The following NRG3 variants were observed in gnomAD, a reference collection of about 807,000 sequenced individuals.
NRG3 encodes neuregulin 3.
NRG3 carries 31 observed loss-of-function variants against 66.9 expected under a neutral mutation model. The observed-to-expected ratio is 0.46, with a 90% CI of 0.35 to 0.63. NRG3 has a LOEUF of 0.63. NRG3 is among the 20% of genes least tolerant of loss of function. NRG3 has a pLI of 0.00. For synonymous variants in NRG3, 393 were observed against 359.4 expected, an observed-to-expected ratio of 1.09 and a Z score of -1.06; for missense variants, 910 against 878.9, an observed-to-expected ratio of 1.04 and a Z score of -0.45.
chr10:82,275,031 A>G (rs555402029), intron 1 of NRG3, among the ~76,000 whole-genome samples: 1 of 152,128 alleles, frequency 6.6e-6, no homozygotes, highest in Admixed American at 6.6e-5. Context: ...GCCTCCATCT[A>G]GAGTGTCATA....
Position 82,536,901 on chromosome 10 carries a change from A to T in NRG3, c.953+178033A>T, listed in dbSNP as rs144009054. On this transcript the variant is annotated intron_variant, in intron 2 of 8. Transcript: ENST00000372141. The stretch of plus-strand genomic sequence containing the variant: ...ATTGATTTTATTATTAAATTATTAG[A>T]TGCACTAAATGAAGAATGAGGATTT... 2.4e-3 allele frequency among the ~76,000 whole-genome samples: 364 copies of T among 151,518 alleles called. 2 individuals are homozygous for T. The highest frequency in any genetic ancestry group is 3.9e-3 in the Non-Finnish European group (261 of 67,790).
At chr10:82,635,920 G>A (rs1186330920) in intron 2 of NRG3, among the ~76,000 whole-genome samples, 1 of 152,148 alleles carries the variant, frequency 6.6e-6, no homozygotes, top group Non-Finnish European at 1.5e-5. Context: ...TGCCTGGTGA[G>A]TGGTGTCAGA....
intron 1 of NRG3, among the ~76,000 whole-genome samples, chr10:82,047,946 A>C (rs1407466855): frequency 1.3e-5 from 2 of 152,062 alleles, no homozygotes; most frequent in Non-Finnish European, 2.9e-5. Context: ...AGGGGTTGCA[A>C]TCCTCATCTC....
intron 1 of NRG3, among the ~76,000 whole-genome samples, chr10:82,097,574 C>T (rs2066437268): frequency 6.6e-6 from 1 of 151,352 alleles, no homozygotes; most frequent in Non-Finnish European, 1.5e-5. Context: ...CTCTTATGCA[C>T]ATTAGCATAT....
chr10:82,556,701 T>C lies in NRG3; in HGVS notation c.954-181876T>C, dbSNP rs185487721. Among the ~76,000 whole-genome samples the C allele has an allele frequency of 5.8e-4, 88 of 152,326 alleles. 2 individuals carry two copies. The highest frequency in any genetic ancestry group is 5.8e-3 in the Admixed American group (88 of 15,288). On this transcript the variant is annotated intron_variant, in intron 2 of 8. Transcript: ENST00000372141. ...ATGGTGTGTTACATAGGTAATCTCCTGTCATAGGGTTCTGTTGTAGAGATT... is the reference window on the plus strand; with the variant it reads ...ATGGTGTGTTACATAGGTAATCTCCCGTCATAGGGTTCTGTTGTAGAGATT...
chr10:82,874,127 C>T (rs904654958), intron 4 of NRG3, among the ~76,000 whole-genome samples: 45 of 151,884 alleles, frequency 3.0e-4, no homozygotes, highest in African/African-American at 1.1e-3. Context: ...CAAACTTGAT[C>T]GTATATTGGG....
At chr10:82,984,905 C>T (rs2132703968) in intron 8 of NRG3, 193 bp from the exon 9 acceptor site, 1 of 1,334,946 alleles carries the variant, frequency 7.5e-7, no homozygotes, top group South Asian at 1.2e-5. Flanking sequence ...TTCTGTGTGA[C>T]CTTGGGCAAG....
chr10:82,411,453 G>A (rs1297329828), intron 2 of NRG3, among the ~76,000 whole-genome samples: 1 of 152,056 alleles, frequency 6.6e-6, no homozygotes. Flanking sequence ...AACGAGCTGG[G>A]GTAACCTCAG....
At chr10:82,166,249 C>G (rs1049903523) in intron 1 of NRG3, among the ~76,000 whole-genome samples, 1 of 152,068 alleles carries the variant, frequency 6.6e-6, no homozygotes, top group African/African-American at 2.4e-5. Context: ...TAACTCCTGA[C>G]CTCAGGTGAT....
rs1375664589 is a variant in NRG3, at chr10:82,154,737, A to G, written c.824-204002A>G. Among the ~76,000 whole-genome samples the G allele has an allele frequency of 5.3e-5, 8 of 151,486 alleles. 1 individual carries two copies. Among genetic ancestry groups the G allele is most frequent in the Non-Finnish European group, 5.9e-5 (4 of 67,710 alleles). ...TTTCTGTTTGTACATGTTGCCTTTA[A>G]TTTATTTTATCAATTTTTTTTGGTT... On this transcript the variant is annotated intron_variant, in intron 1 of 8. Coordinates refer to ENST00000372141, the MANE Select transcript of NRG3 (RefSeq NM_001010848.4).
At position 82,871,582 on chromosome 10, in the gene NRG3, A is replaced by G. The variant is rs556166738; in HGVS notation, c.1054+6145A>G. ...ATATCTCTTCACTTACTTGGGTTTT[A>G]TTTTTTAAGTCTTTCATTAGTGTTT... is the stretch of plus-strand genomic sequence containing the variant. On this transcript the variant is annotated intron_variant, in intron 4 of 8. Coordinates refer to ENST00000372141, the MANE Select transcript of NRG3 (RefSeq NM_001010848.4). 3.3e-5 allele frequency among the ~76,000 whole-genome samples: 5 copies of G among 152,084 alleles called. 1 individual carries two copies. The South Asian group carries it at 1.0e-3, about 32-fold the overall frequency.
At chr10:82,790,733 A>AT (rs2060552890) in intron 3 of NRG3, among the ~76,000 whole-genome samples, 1 of 151,886 alleles carries the variant, frequency 6.6e-6, no homozygotes, top group African/African-American at 2.4e-5. Context: ...ATGGTACCAC[A>AT]TAGTCTTTTT....
chr10:82,614,791 T>G (rs1349219318), intron 2 of NRG3, among the ~76,000 whole-genome samples: 1 of 152,140 alleles, frequency 6.6e-6, no homozygotes, highest in South Asian at 2.1e-4. Context: ...ATTTCAATCT[T>G]CATCCAAAAC....
At chr10:82,556,550 T>C (rs1391982225) in intron 2 of NRG3, among the ~76,000 whole-genome samples, 5 of 152,172 alleles carry the variant, frequency 3.3e-5, no homozygotes, top group African/African-American at 1.2e-4. Context: ...CCTTCTTCTC[T>C]CTGTGGCCTG....
intron 4 of NRG3, among the ~76,000 whole-genome samples, chr10:82,895,334 G>T (rs1843547087): frequency 6.6e-6 from 1 of 152,070 alleles, no homozygotes; most frequent in African/African-American, 2.4e-5. Context: ...TGTCAAATGG[G>T]TTGAAGAGTT....
intron 4 of NRG3, among the ~76,000 whole-genome samples, chr10:82,925,046 A>G (rs574238051): frequency 3.0e-4 from 46 of 152,316 alleles, no homozygotes; most frequent in African/African-American, 9.6e-4. Flanking sequence ...TATGCCACGA[A>G]AACCCTGTAC....
chr10:82,585,409 C>T (rs2046612258), intron 2 of NRG3, among the ~76,000 whole-genome samples: 1 of 152,092 alleles, frequency 6.6e-6, no homozygotes, highest in South Asian at 2.1e-4. Flanking sequence ...GAACGAGTTT[C>T]CCCAGAACTT....
intron 3 of NRG3, among the ~76,000 whole-genome samples, chr10:82,837,163 T>C (rs959332376): frequency 6.6e-6 from 1 of 152,208 alleles, no homozygotes; most frequent in African/African-American, 2.4e-5. Flanking sequence ...TTGGCTTGGT[T>C]CCAAGTCTTT....
At chr10:81,917,963 G>GAATGTATTGATGAGTTT (rs1197973179) in intron 1 of NRG3, among the ~76,000 whole-genome samples, 1 of 152,108 alleles carries the variant, frequency 6.6e-6, no homozygotes, top group Middle Eastern at 3.2e-3. Context: ...TAATACAATG[G>GAATGTATTGATGAGTTT]AATACCATGG....
Sources: allele counts gnomAD v4.1 joint callset (sites outside exome capture counted in the v4.1 genomes callset), GRCh38; gene constraint gnomAD v4.1.1; transcripts MANE v1.5; gene names NCBI Gene and HGNC (gene_info 2026-07-23, HGNC 2026-07-21).